MYPN: variants seen among roughly 807,000 people sequenced by gnomAD.
The protein encoded by MYPN is myopalladin.
MYPN carries 63 observed loss-of-function variants against 129.4 expected under a neutral mutation model. That is an observed-to-expected ratio of 0.49 (90% CI 0.40 to 0.60). The LOEUF is 0.60. Among genes scored for constraint, MYPN ranks in the 20% least tolerant of loss-of-function variants. The pLI is 0.00. For synonymous variants in MYPN, 629 were observed against 600.9 expected (o/e 1.05, Z -0.68); for missense variants, 1,596 against 1,635.4 (o/e 0.98, Z 0.42).
intron 2 of MYPN, among the ~76,000 whole-genome samples, chr10:68,139,099 G>A (rs1035432984): frequency 6.6e-6 from 1 of 152,036 alleles, no homozygotes; most frequent in Non-Finnish European, 1.5e-5. Context: ...CTCCAACATG[G>A]AGCAGCTGCT....
At chr10:68,169,362 T>TA (rs34539408) in intron 10 of MYPN, among the ~76,000 whole-genome samples, 5,265 of 127,158 alleles carry the variant, frequency 0.041, 360 homozygotes, top group African/African-American at 0.16. Flanking sequence ...CGTCTCAAAT[T>TA]AAAAAAAAAA....
chr10:68,143,259 T>C (rs1589550436), intron 3 of MYPN, 144 bp downstream of exon 3: 7 of 714,502 alleles, frequency 9.8e-6, no homozygotes, highest in East Asian at 8.2e-5. Flanking sequence ...CAAAAATACT[T>C]AGGCTCATTT....
intron 1 of MYPN, among the ~76,000 whole-genome samples, chr10:68,098,755 A>G (rs2041968735): frequency 6.6e-6 from 1 of 152,142 alleles, no homozygotes; most frequent in Non-Finnish European, 1.5e-5. Context: ...AGGCAGGAGA[A>G]TCGCTTGAAC....
upstream of MYPN, among the ~76,000 whole-genome samples, chr10:68,109,085 A>C (rs1428916881): frequency 6.6e-6 from 1 of 152,172 alleles, no homozygotes; most frequent in East Asian, 1.9e-4. Flanking sequence ...CAATCCAAAA[A>C]AGCTCTCAGC....
intron 6 of MYPN, among the ~76,000 whole-genome samples, chr10:68,150,451 G>T (rs182692020): frequency 3.9e-5 from 6 of 152,216 alleles, no homozygotes; most frequent in African/African-American, 1.4e-4. Context: ...AAATTCAATT[G>T]CAGGTACCTG....
intron 15 of MYPN, 123 bp from the exon 16 acceptor site, chr10:68,197,229 C>T (rs1384180071): frequency 3.1e-6 from 3 of 960,232 alleles, no homozygotes; most frequent in South Asian, 1.5e-5. Context: ...GTCCAGCCTC[C>T]CCTTTCCCCC....
intron 12 of MYPN, among the ~76,000 whole-genome samples, chr10:68,181,841 G>A (rs1439779286): frequency 6.6e-6 from 1 of 152,008 alleles, no homozygotes; most frequent in African/African-American, 2.4e-5. Context: ...AGGAGGCATA[G>A]CAAGCTCTCC....
chr10:68,135,548 T>G, intron 2 of MYPN: 1 of 923,874 alleles, frequency 1.1e-6, no homozygotes, highest in Non-Finnish European at 1.3e-6. Flanking sequence ...TGGCTGTGTT[T>G]TAGGCCCCAC....
At chr10:68,180,483 G>A (rs758216539) in intron 12 of MYPN, among the ~76,000 whole-genome samples, 56 of 152,316 alleles carry the variant, frequency 3.7e-4, no homozygotes, top group Non-Finnish European at 5.4e-4. Flanking sequence ...ACTGTGCCCG[G>A]CCTACCTCCA....
chr10:68,117,173 G>A (rs10762188), intron 1 of MYPN, among the ~76,000 whole-genome samples: 68,383 of 150,738 alleles, frequency 0.45, 16,648 homozygotes, highest in African/African-American at 0.65. Context: ...GCAGTGAGCC[G>A]ACATCGCACC....
chr10:68,109,573 C>G lies in MYPN; in HGVS notation c.-152C>G, dbSNP rs1304617505. 3 of 454,108 alleles carry G rather than the reference C, an allele frequency of 6.6e-6. No individual in the cohort carries two copies. Among genetic ancestry groups the G allele is most frequent in the East Asian group, 6.9e-5 (1 of 14,396 alleles). 28.1% of individuals were successfully genotyped at this position (454,108 alleles called of 1,614,324 possible). A position where few individuals can be genotyped will look rare whatever the true frequency, so the allele number is the denominator to read the frequency against. On this transcript the variant is annotated 5_prime_UTR_variant, in exon 1 of 20. Coordinates refer to ENST00000358913, the MANE Select transcript of MYPN (RefSeq NM_032578.4). ...CACTGAAACTAAGGTTAACTCCTCA[C>G]TCTCTATGGACGGCTACTCTCTATT...
intron 1 of MYPN, among the ~76,000 whole-genome samples, chr10:68,121,146 C>T (rs995609384): frequency 1.3e-5 from 2 of 152,092 alleles, no homozygotes; most frequent in African/African-American, 4.8e-5. Context: ...GGTGTGGTGG[C>T]ACATGCCTGT....
In MYPN at chr10:68,210,336, A is replaced by T; in HGVS notation, c.3844A>T (p.Ser1282Cys). 6.2e-7 allele frequency: 1 copy of T among 1,614,116 alleles called. No individual in the cohort carries two copies. Among genetic ancestry groups the T allele is most frequent in the East Asian group, 2.2e-5 (1 of 44,892 alleles). Residue 1282 changes from serine (S) to cysteine (C), a missense_variant, in exon 20 of 20, where the codon AGT becomes TGT. By Grantham distance (112) the Ser-to-Cys change is moderately radical. Transcript: ENST00000358913. ...PPPMSVRPSG[S>C]RYGSLTSKGL... is the part of the protein sequence containing the mutation. Reference sequence around the variant, plus strand: ...GCCCATGTCTGTCCGGCCCAGTGGCAGTCGCTACGGATCTCTCACCAGTAA... The same window carrying T: ...GCCCATGTCTGTCCGGCCCAGTGGCTGTCGCTACGGATCTCTCACCAGTAA...
intron 1 of MYPN, among the ~76,000 whole-genome samples, chr10:68,089,579 C>G (rs1164850653): frequency 6.6e-6 from 1 of 151,798 alleles, no homozygotes; most frequent in African/African-American, 2.4e-5. Flanking sequence ...TCTCCTGACC[C>G]CATGATTCGC....
Position 68,121,872 on chromosome 10 carries a change from A to T in MYPN, c.434A>T (p.Gln145Leu). The T allele has an allele frequency of 6.2e-7, 1 of 1,614,220 alleles. No individual in the cohort carries two copies. The highest frequency in any genetic ancestry group is 1.1e-5 in the South Asian group (1 of 91,090). Residue 145 changes from glutamine (Q) to leucine (L), a missense_variant, in exon 2 of 20, where the codon CAG becomes CTG. Transcript: ENST00000358913. ...AKRPQYCSET[Q>L]SKKVFLNKAA... ...AGGCCACAGTATTGTTCTGAAACCC[A>T]GTCCAAAAAAGTATTTTTAAATAAG...
intron 2 of MYPN, among the ~76,000 whole-genome samples, chr10:68,137,257 AT>A (rs2042501726): frequency 6.6e-6 from 1 of 152,188 alleles, no homozygotes; most frequent in Non-Finnish European, 1.5e-5. Context: ...GGATCCTCAC[AT>A]TGGCTTCTGC....
intron 7 of MYPN, among the ~76,000 whole-genome samples, chr10:68,159,691 CA>C (rs36077235): frequency 0.65 from 97,881 of 151,712 alleles, 32,257 homozygotes; most frequent in Non-Finnish European, 0.7. Flanking sequence ...GTAGAGCAAT[CA>C]TATGATAGAA....
chr10:68,182,430 C>CAT (rs369261523), intron 12 of MYPN, among the ~76,000 whole-genome samples: 2,422 of 107,062 alleles, frequency 0.023, 257 homozygotes, highest in East Asian at 0.049. Flanking sequence ...ATATATAACA[C>CAT]ATATATATAA....
intron 1 of MYPN, among the ~76,000 whole-genome samples, chr10:68,118,563 G>T (rs1248527465): frequency 1.3e-5 from 2 of 152,196 alleles, no homozygotes; most frequent in East Asian, 3.9e-4. Flanking sequence ...TAGGCACGAT[G>T]CCTCATGCCT....
Sources: allele counts gnomAD v4.1 joint callset (sites outside exome capture counted in the v4.1 genomes callset), GRCh38; gene constraint gnomAD v4.1.1; transcripts MANE v1.5; gene names NCBI Gene and HGNC (gene_info 2026-07-23, HGNC 2026-07-21).